NRG1: variants seen among roughly 807,000 people sequenced by gnomAD.
The protein encoded by NRG1 is pro-neuregulin-1, membrane-bound isoform.
A neutral mutation model predicts 63.8 loss-of-function variants in NRG1; 18 were observed. The ratio of observed to expected loss-of-function variants is 0.28; its 90% confidence interval spans 0.19 to 0.42. NRG1 has a LOEUF of 0.42. NRG1 is among the 10% of genes least tolerant of loss of function. The pLI is 1.00. For synonymous variants in NRG1, 302 were observed against 301.3 expected, an observed-to-expected ratio of 1.00 and a Z score of -0.02; for missense variants, 762 against 814.7, an observed-to-expected ratio of 0.94 and a Z score of 0.79.
chr8:32,714,982 A>T (rs1564011675), intron 5 of NRG1, among the ~76,000 whole-genome samples: 1 of 151,638 alleles, frequency 6.6e-6, no homozygotes, highest in African/African-American at 2.4e-5. Context: ...AGGATTGCTG[A>T]TTTTTTTTTA....
At chr8:32,547,621 A>G (rs1048001623), upstream of NRG1, among the ~76,000 whole-genome samples, 2 of 135,958 alleles carry the variant, frequency 1.5e-5, no homozygotes, top group Non-Finnish European at 3.2e-5. Context: ...ACACACACAC[A>G]CACACGCACA....
intron 1 of NRG1, among the ~76,000 whole-genome samples, chr8:32,394,188 C>A (rs1262987355): frequency 6.6e-6 from 1 of 152,200 alleles, no homozygotes; most frequent in Non-Finnish European, 1.5e-5. Flanking sequence ...CTTTATCTCT[C>A]ACCTTTATCT....
chr8:31,733,678 T>C (rs1277146663), intron 1 of NRG1, among the ~76,000 whole-genome samples: 1 of 152,140 alleles, frequency 6.6e-6, no homozygotes, highest in Non-Finnish European at 1.5e-5. Flanking sequence ...GGACAGAGTG[T>C]GAAGGCTTGC....
intron 1 of NRG1, among the ~76,000 whole-genome samples, chr8:32,427,661 T>C (rs10503915): frequency 0.2 from 29,866 of 152,140 alleles, 3,426 homozygotes; most frequent in South Asian, 0.31. Flanking sequence ...TACCTTCAAT[T>C]TGATAGCTCC....
At chr8:31,968,121 A>G (rs1806665406) in intron 1 of NRG1, among the ~76,000 whole-genome samples, 1 of 152,254 alleles carries the variant, frequency 6.6e-6, no homozygotes, top group African/African-American at 2.4e-5. Flanking sequence ...GAATTTCAAA[A>G]TGTTCAACAA....
intron 2 of NRG1, among the ~76,000 whole-genome samples, chr8:32,601,623 T>A (rs1844380008): frequency 6.6e-6 from 1 of 152,160 alleles, no homozygotes; most frequent in South Asian, 2.1e-4. Flanking sequence ...CATAGTTGTC[T>A]GCCAGTGGGA....
At chr8:31,934,405 C>G (rs1258118962) in intron 1 of NRG1, among the ~76,000 whole-genome samples, 4 of 144,268 alleles carry the variant, frequency 2.8e-5, no homozygotes, top group Non-Finnish European at 6.0e-5. Context: ...ATACACACAC[C>G]CCTTTATTCG....
At chr8:31,715,536 G>A (rs1812268877) in intron 1 of NRG1, among the ~76,000 whole-genome samples, 1 of 152,122 alleles carries the variant, frequency 6.6e-6, no homozygotes, top group African/African-American at 2.4e-5. Flanking sequence ...ATAATTAAAT[G>A]TATAATAGTC....
chr8:32,622,533 G>GC (rs1201206705), intron 5 of NRG1, among the ~76,000 whole-genome samples: 1 of 152,040 alleles, frequency 6.6e-6, no homozygotes, highest in African/African-American at 2.4e-5. Context: ...CTCCCTAGTA[G>GC]CTGGGACTAC....
chr8:32,635,168 GA>G (rs1304467361), intron 5 of NRG1, among the ~76,000 whole-genome samples: 2 of 152,124 alleles, frequency 1.3e-5, no homozygotes, highest in Admixed American at 6.6e-5. Flanking sequence ...AGAAGAAAAG[GA>G]AAACTATAAG....
At chr8:32,440,102 G>A (rs182088897) in intron 1 of NRG1, among the ~76,000 whole-genome samples, 3 of 152,230 alleles carry the variant, frequency 2.0e-5, no homozygotes, top group Admixed American at 2.0e-4. Flanking sequence ...CTCTTACAAG[G>A]TGGCAGGAGA....
At chr8:31,892,555 C>T (rs946891026) in intron 1 of NRG1, among the ~76,000 whole-genome samples, 2 of 152,050 alleles carry the variant, frequency 1.3e-5, no homozygotes, top group Non-Finnish European at 2.9e-5. Context: ...TTACTTATTG[C>T]ATTGAGATTA....
Position 31,678,307 on chromosome 8 carries a change from C to T in NRG1, c.37+38876C>T, listed in dbSNP as rs79764037. On this transcript the variant is annotated intron_variant, in intron 1 of 10. Coordinates refer to the NRG1 transcript ENST00000519301. ...AAACAGTTTAGTAATTCATAATTCA[C>T]AGTAGCATTTGAAACACTCTGAGAT... Among the ~76,000 whole-genome samples the T allele has an allele frequency of 7.9e-5, 12 of 152,202 alleles. No individual in the cohort carries two copies. The East Asian group carries it at 2.1e-3, about 27-fold the overall frequency.
chr8:32,203,954 A>G (rs1260673614), intron 1 of NRG1, among the ~76,000 whole-genome samples: 1 of 152,170 alleles, frequency 6.6e-6, no homozygotes, highest in Non-Finnish European at 1.5e-5. Context: ...TGAGATACAA[A>G]AAGTGTAGCA....
intron 1 of NRG1, among the ~76,000 whole-genome samples, chr8:32,106,813 ATACTT>A (rs1225532140): frequency 2.6e-5 from 4 of 152,224 alleles, no homozygotes; most frequent in African/African-American, 7.2e-5. Context: ...CAAATTAAGA[ATACTT>A]TACTCAGTTT....
At chr8:32,625,703 T>G (rs1289482648) in intron 5 of NRG1, among the ~76,000 whole-genome samples, 1 of 151,708 alleles carries the variant, frequency 6.6e-6, no homozygotes. Flanking sequence ...GAGTGGTGAA[T>G]GTAGGTGAAT....
At chr8:32,612,207 G>C (rs1415621426) in intron 3 of NRG1, among the ~76,000 whole-genome samples, 2 of 151,894 alleles carry the variant, frequency 1.3e-5, no homozygotes, top group Admixed American at 6.6e-5. Context: ...AAGATTGCAG[G>C]ATTTAATGCT....
intron 3 of NRG1, among the ~76,000 whole-genome samples, chr8:32,608,431 TG>T (rs1269854671): frequency 6.6e-6 from 1 of 152,100 alleles, no homozygotes; most frequent in Non-Finnish European, 1.5e-5. Context: ...GTGGAACTCC[TG>T]AGTTCAAGAA....
chr8:31,822,164 C>A (rs1443708090), intron 1 of NRG1, among the ~76,000 whole-genome samples: 1 of 152,144 alleles, frequency 6.6e-6, no homozygotes, highest in Admixed American at 6.5e-5. Flanking sequence ...AATAACTTAC[C>A]TTTGTAATTG....
Sources: gnomAD v4.1 joint callset for allele counts (sites outside exome capture counted in the v4.1 genomes callset) on GRCh38, gnomAD v4.1.1 for gene constraint, MANE v1.5 for transcripts, NCBI Gene and HGNC (gene_info 2026-07-23, HGNC 2026-07-21) for gene names.